Variants in L3MBTL4 observed in about 807,000 individuals in gnomAD.
L3MBTL4 encodes L3MBTL histone methyl-lysine binding protein 4.
A neutral mutation model predicts 84.5 loss-of-function variants in L3MBTL4; 70 were observed. The observed-to-expected ratio is 0.83, with a 90% CI of 0.68 to 1.01. The LOEUF is 1.01. Among genes scored for constraint, L3MBTL4 ranks in the 50% least tolerant of loss-of-function variants. L3MBTL4 has a pLI of 0.00. For missense variants in L3MBTL4, 715 were observed against 754.8 expected, an observed-to-expected ratio of 0.95 and a Z score of 0.62; for synonymous variants, 274 against 259.8, an observed-to-expected ratio of 1.05 and a Z score of -0.52.
chr18:5,969,654 G>A, intron 16 of L3MBTL4, 92 bp from the exon 17 acceptor site: 1 of 1,323,970 alleles, frequency 7.6e-7, no homozygotes, highest in Non-Finnish European at 1.0e-6. Context: ...CAAGTCAGGG[G>A]ACGGAAAGTG....
intron 1 of L3MBTL4, among the ~76,000 whole-genome samples, chr18:6,383,104 A>G (rs530909334): frequency 1.2e-4 from 18 of 152,052 alleles, no homozygotes; most frequent in African/African-American, 4.3e-4. Context: ...AGCTTTGTTT[A>G]CACTGTGAGG....
chr18:6,190,363 G>A (rs975535687), intron 12 of L3MBTL4, among the ~76,000 whole-genome samples: 33 of 152,238 alleles, frequency 2.2e-4, no homozygotes, highest in African/African-American at 6.3e-4. Flanking sequence ...TGATAGTTAC[G>A]GGTAGATACA....
Position 6,007,656 on chromosome 18 carries a change from T to C in L3MBTL4, c.1445-38094A>G, listed in dbSNP as rs566234493. Among the ~76,000 whole-genome samples the C allele has an allele frequency of 7.2e-5, 11 of 152,336 alleles. No individual in the cohort carries two copies. The South Asian group carries it at 2.3e-3, about 32-fold the overall frequency. ...GCAAAATAACACATGTACATGGTTA[T>C]TCACCATAGCATTGTTTGTAATAAC... On this transcript the variant is annotated intron_variant, in intron 16 of 18. Coordinates refer to ENST00000317931, the MANE Select transcript of L3MBTL4 (RefSeq NM_001330559.2).
chr18:6,287,188 T>C (rs534813611), intron 4 of L3MBTL4, among the ~76,000 whole-genome samples: 2 of 152,338 alleles, frequency 1.3e-5, no homozygotes, highest in South Asian at 4.1e-4. Flanking sequence ...CATGCCAAGA[T>C]ATTTTCTAGG....
At chr18:6,304,437 C>T (rs1404611347) in intron 3 of L3MBTL4, among the ~76,000 whole-genome samples, 3 of 152,210 alleles carry the variant, frequency 2.0e-5, no homozygotes, top group African/African-American at 7.2e-5. Context: ...TACTATAAGC[C>T]AATGCTTCTT....
At chr18:6,027,413 C>T (rs1161715083) in intron 16 of L3MBTL4, among the ~76,000 whole-genome samples, 2 of 152,196 alleles carry the variant, frequency 1.3e-5, no homozygotes, top group Non-Finnish European at 2.9e-5. Context: ...ATATGTGCCA[C>T]ATTTTCTTTG....
intron 13 of L3MBTL4, among the ~76,000 whole-genome samples, chr18:6,146,599 G>A (rs188436055): frequency 2.4e-4 from 37 of 152,300 alleles, no homozygotes; most frequent in Non-Finnish European, 4.6e-4. Flanking sequence ...GGAGGTTCAC[G>A]GGAAAGTGGA....
upstream of L3MBTL4, chr18:6,414,917 G>A (rs997537844): frequency 6.7e-6 from 1 of 149,586 alleles, no homozygotes; most frequent in Non-Finnish European, 1.5e-5. This position sits in a 1 kb window ranked among gnomAD's most constrained non-coding sequence, Gnocchi z 5.4. Context: ...TGCCCGGCGG[G>A]AGGGGCGCGA....
At chr18:6,366,547 T>A (rs1009801005) in intron 1 of L3MBTL4, among the ~76,000 whole-genome samples, 1 of 152,328 alleles carries the variant, frequency 6.6e-6, no homozygotes, top group South Asian at 2.1e-4. Context: ...GTTCATAATA[T>A]AGGGACTAGA....
At chr18:6,334,870 C>A (rs2052249511) in intron 1 of L3MBTL4, among the ~76,000 whole-genome samples, 1 of 152,112 alleles carries the variant, frequency 6.6e-6, no homozygotes, top group Admixed American at 6.6e-5. Flanking sequence ...TCTGTCAAAT[C>A]TGTGTCTGGA....
chr18:6,384,243 T>C (rs964737291), intron 1 of L3MBTL4, among the ~76,000 whole-genome samples: 8 of 152,128 alleles, frequency 5.3e-5, no homozygotes, highest in African/African-American at 1.9e-4. Context: ...TATATAATCA[T>C]GCCTAAGAGG....
chr18:6,061,782 C>T (rs951853626), intron 16 of L3MBTL4, among the ~76,000 whole-genome samples: 2 of 151,814 alleles, frequency 1.3e-5, no homozygotes, highest in Admixed American at 1.3e-4. Context: ...AATTATACTT[C>T]TAAATTAAAA....
chr18:6,219,319 C>G (rs1384448433), intron 10 of L3MBTL4, among the ~76,000 whole-genome samples: 1 of 151,938 alleles, frequency 6.6e-6, no homozygotes, highest in Admixed American at 6.6e-5. Flanking sequence ...CCTCTGGAGG[C>G]CAAGGCATAG....
intron 16 of L3MBTL4, among the ~76,000 whole-genome samples, chr18:6,001,180 T>C (rs1437398883): frequency 1.3e-5 from 2 of 152,336 alleles, no homozygotes; most frequent in African/African-American, 2.4e-5. Flanking sequence ...TAACTGACTA[T>C]GAAGGTGCAG....
intron 12 of L3MBTL4, among the ~76,000 whole-genome samples, chr18:6,181,801 G>A (rs1168768492): frequency 1.3e-5 from 2 of 152,092 alleles, no homozygotes; most frequent in African/African-American, 2.4e-5. Flanking sequence ...TTAGGATAAC[G>A]GTCTCCAGCT....
intron 16 of L3MBTL4, among the ~76,000 whole-genome samples, chr18:6,045,893 C>A (rs79725031): frequency 6.6e-6 from 1 of 152,092 alleles, no homozygotes; most frequent in Non-Finnish European, 1.5e-5. Context: ...TCAACATTAA[C>A]CCTGAATGCA....
chr18:5,957,125 A>T (rs1339087463), intron 18 of L3MBTL4, among the ~76,000 whole-genome samples: 1 of 152,152 alleles, frequency 6.6e-6, no homozygotes, highest in Non-Finnish European at 1.5e-5. Flanking sequence ...CTGTATTTAA[A>T]TTTTTTAAAG....
Position 6,202,654 on chromosome 18 carries a change from GCGGTTGACCAT to G in L3MBTL4, c.981+10484_981+10494del, listed in dbSNP as rs552772487. On this transcript the variant is annotated intron_variant, in intron 12 of 18. Coordinates refer to ENST00000317931, the MANE Select transcript of L3MBTL4 (RefSeq NM_001330559.2). ...CTGGAGTTAGTGTCCATTGACTACG[GCGGTTGACCAT>G]GTGTGGTAACTCTGAGATGGGTAGA... 2.9e-3 allele frequency among the ~76,000 whole-genome samples: 444 copies of G among 152,200 alleles called. 3 individuals are homozygous for G. The highest frequency in any genetic ancestry group is 0.01 in the African/African-American group (426 of 41,548).
intron 16 of L3MBTL4, among the ~76,000 whole-genome samples, chr18:6,035,004 T>A (rs972395351): frequency 5.3e-5 from 8 of 151,914 alleles, no homozygotes; most frequent in Admixed American, 2.0e-4. Context: ...TGTTTGTTTT[T>A]TTCTTGTAAA....
Sources: allele counts gnomAD v4.1 joint callset (sites outside exome capture counted in the v4.1 genomes callset), GRCh38; gene constraint gnomAD v4.1.1; non-coding constraint Gnocchi (gnomAD v3.1); transcripts MANE v1.5; gene names NCBI Gene and HGNC (gene_info 2026-07-23, HGNC 2026-07-21).